RBFOX1: variants seen among roughly 807,000 people sequenced by gnomAD.
RBFOX1 encodes the protein RNA binding fox-1 homolog 1, also known as RNA binding protein fox-1 homolog 1.
In RBFOX1, 8 loss-of-function variants were observed where a neutral mutation model predicts 57.7. That is an observed-to-expected ratio of 0.14 (90% CI 0.08 to 0.25). The LOEUF (loss-of-function observed/expected upper bound fraction) is 0.25, where lower values mean the gene tolerates loss of function less well. Among genes scored for constraint, RBFOX1 ranks in the 10% least tolerant of loss-of-function variants. The pLI is 1.00. For missense variants in RBFOX1, 611 were observed against 548.5 expected (o/e 1.11, Z -1.14); for synonymous variants, 326 against 222.4 (o/e 1.47, Z -4.15).
Position 6,957,154 on chromosome 16 carries a change from T to C in RBFOX1, c.-15-94903T>C, listed in dbSNP as rs1199214403. Among the ~76,000 whole-genome samples, 18 of 148,162 alleles carry C rather than the reference T, an allele frequency of 1.2e-4. No homozygotes were observed. The Admixed American group carries it at 1.2e-3, about 10-fold the overall frequency. The stretch of plus-strand genomic sequence containing the variant: ...TTTATTTATTTATTTATTTTTGAGA[T>C]GGAGTCTTGCTCTGTCACCCAGGCT... On this transcript the variant is annotated intron_variant, in intron 3 of 15. Coordinates refer to ENST00000550418, the MANE Select transcript of RBFOX1 (RefSeq NM_018723.4).
chr16:5,589,402 C>T (rs1308605380), intron 2 of RBFOX1, among the ~76,000 whole-genome samples: 2 of 152,148 alleles, frequency 1.3e-5, no homozygotes, highest in East Asian at 3.9e-4. Context: ...TCTCTGAATC[C>T]AATTTACTCA....
intron 2 of RBFOX1, among the ~76,000 whole-genome samples, chr16:6,425,154 G>A (rs983924772): frequency 1.3e-5 from 2 of 152,170 alleles, no homozygotes; most frequent in African/African-American, 4.8e-5. Context: ...GCATGGAGCT[G>A]AAATCTGAGT....
chr16:7,298,095 T>A (rs1693597198), intron 4 of RBFOX1, among the ~76,000 whole-genome samples: 1 of 152,118 alleles, frequency 6.6e-6, no homozygotes, highest in Admixed American at 6.6e-5. Flanking sequence ...TCTTAGAGAT[T>A]TTTCCAAGGA....
At chr16:7,327,432 C>G (rs577009059) in intron 4 of RBFOX1, among the ~76,000 whole-genome samples, 1 of 152,238 alleles carries the variant, frequency 6.6e-6, no homozygotes, top group South Asian at 2.1e-4. Flanking sequence ...CCACTTTTGT[C>G]TGGAAACAAA....
intron 4 of RBFOX1, among the ~76,000 whole-genome samples, chr16:7,493,561 G>C (rs183372161): frequency 6.6e-6 from 1 of 151,080 alleles, no homozygotes; most frequent in Non-Finnish European, 1.5e-5. Flanking sequence ...ACTTACAAGG[G>C]GGAACACAGA....
intron 3 of RBFOX1, among the ~76,000 whole-genome samples, chr16:5,862,072 TG>T (rs966982765): frequency 3.0e-4 from 45 of 152,266 alleles, no homozygotes; most frequent in African/African-American, 9.1e-4. Flanking sequence ...AACCTCCACA[TG>T]TGTGTCATTC....
intron 3 of RBFOX1, among the ~76,000 whole-genome samples, chr16:6,971,375 G>T (rs905194335): frequency 1.3e-5 from 2 of 152,138 alleles, no homozygotes; most frequent in African/African-American, 2.4e-5. Context: ...TCAGCCTAAA[G>T]TGGGGAGTGT....
At chr16:7,679,869 T>C (rs1016686166) in intron 14 of RBFOX1, among the ~76,000 whole-genome samples, 1 of 152,162 alleles carries the variant, frequency 6.6e-6, no homozygotes, top group Non-Finnish European at 1.5e-5. Context: ...CTGGACTAGG[T>C]AATTTTATAG....
chr16:7,245,944 C>T (rs1023370901), intron 4 of RBFOX1, among the ~76,000 whole-genome samples: 1 of 152,154 alleles, frequency 6.6e-6, no homozygotes, highest in African/African-American at 2.4e-5. Context: ...GTTCAACAAA[C>T]ACAATTAGCC....
At chr16:5,383,437 G>A (rs920564157) in intron 1 of RBFOX1, among the ~76,000 whole-genome samples, 3 of 152,200 alleles carry the variant, frequency 2.0e-5, no homozygotes, top group Non-Finnish European at 4.4e-5. Context: ...CTACATTTGG[G>A]TCTGTTAGGC....
At chr16:6,196,326 T>G (rs1220660703) in intron 1 of RBFOX1, among the ~76,000 whole-genome samples, 3 of 152,186 alleles carry the variant, frequency 2.0e-5, no homozygotes, top group Non-Finnish European at 4.4e-5. Flanking sequence ...ACTGGATATG[T>G]TATTTTGAGC....
intron 2 of RBFOX1, among the ~76,000 whole-genome samples, chr16:6,609,971 G>T (rs138144283): frequency 2.2e-3 from 327 of 151,944 alleles, no homozygotes; most frequent in African/African-American, 7.7e-3. Context: ...TCACGCCATT[G>T]CACTCCAGGC....
intron 2 of RBFOX1, among the ~76,000 whole-genome samples, chr16:6,616,322 G>A (rs1051797935): frequency 6.6e-6 from 1 of 151,614 alleles, no homozygotes; most frequent in Non-Finnish European, 1.5e-5. Flanking sequence ...ATAATCTGTA[G>A]AGAAATCCAC....
At chr16:7,229,615 G>C (rs1426202973) in intron 4 of RBFOX1, among the ~76,000 whole-genome samples, 1 of 126,818 alleles carries the variant, frequency 7.9e-6, no homozygotes, top group Non-Finnish European at 1.6e-5. Flanking sequence ...GGAAGGAGAA[G>C]AAAGATGGAG....
chr16:7,181,889 A>G (rs2082785820), intron 4 of RBFOX1, among the ~76,000 whole-genome samples: 3 of 152,126 alleles, frequency 2.0e-5, no homozygotes, highest in Admixed American at 1.3e-4. Flanking sequence ...GAGTCACCAT[A>G]TGTGAAGTGG....
intron 5 of RBFOX1, among the ~76,000 whole-genome samples, chr16:7,556,316 T>C (rs1414219963): frequency 6.6e-6 from 1 of 152,138 alleles, no homozygotes; most frequent in Non-Finnish European, 1.5e-5. Flanking sequence ...GTCTGCTAGA[T>C]TTGCATGCTT....
intron 4 of RBFOX1, among the ~76,000 whole-genome samples, chr16:7,516,080 A>G (rs1223317566): frequency 2.6e-5 from 4 of 152,132 alleles, no homozygotes; most frequent in Admixed American, 6.5e-5. Flanking sequence ...CCTGACCTCA[A>G]GTGATCCACC....
At chr16:7,201,745 G>A (rs1388532098) in intron 4 of RBFOX1, among the ~76,000 whole-genome samples, 3 of 152,156 alleles carry the variant, frequency 2.0e-5, no homozygotes, top group Non-Finnish European at 1.5e-5. Context: ...CTACAGGCAA[G>A]AGCCACCATG....
chr16:7,298,700 T>G (rs181651635), intron 4 of RBFOX1, among the ~76,000 whole-genome samples: 97 of 152,356 alleles, frequency 6.4e-4, no homozygotes, highest in African/African-American at 2.3e-3. Flanking sequence ...GCATTATATA[T>G]GTATTCCTAC....
Sources: gnomAD v4.1 joint callset for allele counts (sites outside exome capture counted in the v4.1 genomes callset) on GRCh38, gnomAD v4.1.1 for gene constraint, MANE v1.5 for transcripts, NCBI Gene and HGNC (gene_info 2026-07-23, HGNC 2026-07-21) for gene names.